HSPA13: variants seen among roughly 807,000 people sequenced by gnomAD.
The protein encoded by HSPA13 is heat shock protein family A (Hsp70) member 13.
HSPA13 carries 29 observed loss-of-function variants against 38.8 expected under a neutral mutation model. That is an observed-to-expected ratio of 0.75 (90% confidence interval 0.56 to 1.02). The LOEUF (loss-of-function observed/expected upper bound fraction) is 1.02. Ranked by LOEUF, HSPA13 falls within the 50% of genes least tolerant of loss-of-function variation. The pLI, the probability that HSPA13 is intolerant of heterozygous loss-of-function variation, is 0.00. For missense variants in HSPA13, 451 were observed against 560.9 expected (o/e 0.80, Z 1.98); for synonymous variants, 192 against 205.3 (o/e 0.94, Z 0.56).
chr21:14,373,611 C>T lies in HSPA13; in HGVS notation c.*6G>A, dbSNP rs1218053455. On this transcript the variant is annotated 3_prime_UTR_variant, in exon 5 of 5. Transcript: ENST00000285667. ...AGTTCACAAATAACCATTATTTCTG[C>T]AGAATTCAGTTGAAGTTGGTTTTTT... The T allele has an allele frequency of 1.3e-6, 2 of 1,597,502 alleles. No individual in the cohort carries two copies. The highest frequency in any genetic ancestry group is 2.2e-5 in the East Asian group (1 of 44,774).
Position 14,383,080 on chromosome 21 carries a change from C to A in HSPA13, c.25+15G>T, listed in dbSNP as rs200169118. ...TCTACGCCCGCAAGAGCAACAAGGA[C>A]CCCCGGGAACCCACCTAAGATCGTC... is the stretch of plus-strand genomic sequence containing the variant. On this transcript the variant is annotated intron_variant, in intron 1 of 4. Coordinates refer to ENST00000285667, the MANE Select transcript of HSPA13 (RefSeq NM_006948.5). 97 of 1,613,942 alleles carry A rather than the reference C, an allele frequency of 6.0e-5. No individual in the cohort carries two copies. Among genetic ancestry groups the A allele is most frequent in the Non-Finnish European group, 6.1e-5 (72 of 1,179,900 alleles).
intron 3 of HSPA13, among the ~76,000 whole-genome samples, chr21:14,376,186 C>T (rs763425602): frequency 4.0e-4 from 61 of 152,054 alleles, no homozygotes; most frequent in Non-Finnish European, 7.4e-4. Flanking sequence ...CCGAGGTGGG[C>T]GGATCACGAG....
Position 14,373,531 on chromosome 21 carries a change from G to C in HSPA13, c.*86C>G. ...CTCTAGGTAAATCTGTGATATTTTA[G>C]AGACTTTCTTTTGTGGAAAAGGTAA... On this transcript the variant is annotated 3_prime_UTR_variant, in exon 5 of 5. Transcript: ENST00000285667. The C allele has an allele frequency of 8.5e-7, 1 of 1,176,672 alleles. No individual in the cohort carries two copies. The highest frequency in any genetic ancestry group is 1.2e-6 in the Non-Finnish European group (1 of 847,344). 72.9% of individuals were successfully genotyped at this position (1,176,672 alleles called of 1,614,324 possible).
chr21:14,381,349 T>A lies in HSPA13; in HGVS notation c.220A>T (p.Thr74Ser), dbSNP rs762074437. The stretch of plus-strand genomic sequence containing the variant: ...TATCCCACATATACATCATTGTCAG[T>A]AAAAGACACCATGCTGGGTATGCTG... ...HISIPSMVSFTDNDVYVGYES... is the reference protein window; with the variant it reads ...HISIPSMVSFSDNDVYVGYES... Residue 74 changes from threonine to serine, a missense_variant, in exon 2 of 5, where the codon ACT becomes TCT. Transcript: ENST00000285667. 4.3e-6 allele frequency: 7 copies of A among 1,614,070 alleles called. No homozygotes were observed. The African/African-American group carries it at 9.3e-5, about 22-fold the overall frequency.
intron 2 of HSPA13, among the ~76,000 whole-genome samples, chr21:14,379,466 T>C (rs1042546367): frequency 1.3e-5 from 2 of 152,124 alleles, no homozygotes; most frequent in African/African-American, 4.8e-5. Context: ...AGAAGCTACA[T>C]GGACAATATT....
chr21:14,376,502 G>T (rs1186229418), intron 3 of HSPA13, among the ~76,000 whole-genome samples: 1 of 152,216 alleles, frequency 6.6e-6, no homozygotes, highest in Non-Finnish European at 1.5e-5. Context: ...GCAGGTAAAA[G>T]ATCAGGTTTC....
chr21:14,374,328 T>C, intron 4 of HSPA13, 44 bp from the exon 5 acceptor site: 2 of 1,390,514 alleles, frequency 1.4e-6, no homozygotes, highest in Non-Finnish European at 2.0e-6. Context: ...CATATATGTG[T>C]GTATGTATAC....
Position 14,373,538 on chromosome 21 carries a change from T to C in HSPA13, c.*79A>G, listed in dbSNP as rs1982877860. The C allele has an allele frequency of 8.0e-7, 1 of 1,250,470 alleles. No homozygotes were observed. The highest frequency in any genetic ancestry group is 1.1e-6 in the Non-Finnish European group (1 of 910,154). 77.5% of individuals were successfully genotyped at this position (1,250,470 alleles called of 1,614,324 possible). On this transcript the variant is annotated 3_prime_UTR_variant, in exon 5 of 5. Transcript: ENST00000285667. ...TAAATCTGTGATATTTTAGAGACTTTCTTTTGTGGAAAAGGTAATCTGATA... is the reference window on the plus strand; with the variant it reads ...TAAATCTGTGATATTTTAGAGACTTCCTTTTGTGGAAAAGGTAATCTGATA...
At chr21:14,383,008 G>A in intron 1 of HSPA13, 87 bp downstream of exon 1, 4 of 1,449,296 alleles carry the variant, frequency 2.8e-6, no homozygotes, top group Non-Finnish European at 3.9e-6. Context: ...GCTAGATCCA[G>A]GAGGTGAGTC....
In HSPA13 at chr21:14,373,464, G is replaced by A. The variant is rs1600802907; in HGVS notation, c.*153C>T. ...TCAATCTGGTCACGTCTAATCCTAA[G>A]ACAAAACACTATGTAAAATTTTCCT... On this transcript the variant is annotated 3_prime_UTR_variant, in exon 5 of 5. Coordinates refer to ENST00000285667, the MANE Select transcript of HSPA13 (RefSeq NM_006948.5). 6.2e-6 allele frequency: 4 copies of A among 649,572 alleles called. No individual in the cohort carries two copies. Among genetic ancestry groups the A allele is most frequent in the Admixed American group, 5.9e-5 (2 of 34,086 alleles). The allele number at this position is 649,572 out of a possible 1,614,324, so 40.2% of individuals were successfully genotyped here. A position where few individuals can be genotyped will look rare whatever the true frequency, so the allele number is the denominator to read the frequency against.
chr21:14,378,142 G>T, intron 3 of HSPA13, 57 bp downstream of exon 3: 1 of 1,354,520 alleles, frequency 7.4e-7, no homozygotes, highest in East Asian at 2.3e-5. Context: ...TACTACAGAA[G>T]GTTTTCAACC....
At position 14,381,551 on chromosome 21, in the gene HSPA13, A is replaced by C. The variant is rs992197596; in HGVS notation, c.26-8T>G. On this transcript the variant is annotated splice_region_variant and splice_polypyrimidine_tract_variant and intron_variant, in intron 1 of 4. Transcript: ENST00000285667. Reference sequence around the variant, plus strand: ...GAGTCAAAACAGCCGATCCTGAAATAAAGGAAAATTAAAAGATGTATTTTA... The same window carrying C: ...GAGTCAAAACAGCCGATCCTGAAATCAAGGAAAATTAAAAGATGTATTTTA... 2.5e-6 allele frequency: 4 copies of C among 1,579,532 alleles called. No homozygotes were observed. The highest frequency in any genetic ancestry group is 3.5e-6 in the Non-Finnish European group (4 of 1,158,194).
intron 3 of HSPA13, 54 bp from the exon 4 acceptor site, chr21:14,375,873 C>G (rs1984008174): frequency 1.2e-5 from 17 of 1,393,530 alleles, no homozygotes; most frequent in Non-Finnish European, 1.6e-5. Flanking sequence ...ATCAAGTAAT[C>G]TCTTCCCACT....
Position 14,381,453 on chromosome 21 carries a change from C to A in HSPA13, c.116G>T (p.Gly39Val). 6.2e-7 allele frequency: 1 copy of A among 1,614,088 alleles called. No homozygotes were observed. The change falls in exon 2 of 5, where the codon GGC becomes GTC. Residue 39 changes from glycine (G) to valine (V), a missense_variant. By Grantham distance (109) the Gly-to-Val change is moderately radical. Transcript: ENST00000285667. ...CACCCCAACAGAACAATAGGTGGTG[C>A]CAAGATCAATACCAATCACTTTAGG... ...PTPKVIGIDL[G>V]TTYCSVGVFF... is the part of the protein sequence containing the mutation.
At position 14,371,416 on chromosome 21, in the gene HSPA13, GAA is replaced by G. The variant is rs899667500; in HGVS notation, c.*2199_*2200del. On this transcript the variant is annotated 3_prime_UTR_variant, in exon 5 of 5. Transcript: ENST00000285667. ...ACTAAAGTTTATTAATTTTTTTTAT[GAA>G]AAGACTTCAGATTGTTATTCATAAA... 2.0e-5 allele frequency: 3 copies of G among 152,116 alleles called. No homozygotes were observed. Among genetic ancestry groups the G allele is most frequent in the Non-Finnish European group, 4.4e-5 (3 of 67,968 alleles). 9.4% of individuals were successfully genotyped at this position (152,116 alleles called of 1,614,324 possible). A position where few individuals can be genotyped will look rare whatever the true frequency, so the allele number is the denominator to read the frequency against.
rs1456713997 is a variant in HSPA13 at position 14,374,056 on chromosome 21, G to T, written c.977C>A (p.Thr326Asn). ...QDRKEPHSSD[T>N]ELPKDKLSSA... is the part of the protein sequence containing the mutation. Reference sequence around the variant, plus strand: ...GGAAAGTTTGTCTTTTGGCAGTTCAGTGTCACTACTGTGAGGTTCCTTCCT... The same window carrying T: ...GGAAAGTTTGTCTTTTGGCAGTTCATTGTCACTACTGTGAGGTTCCTTCCT... Residue 326 changes from threonine to asparagine, a missense_variant, in exon 5 of 5, where the codon ACT (threonine) becomes AAT (asparagine). Coordinates refer to ENST00000285667, the MANE Select transcript of HSPA13 (RefSeq NM_006948.5). 5.0e-6 allele frequency: 8 copies of T among 1,614,072 alleles called. No individual in the cohort carries two copies. Among genetic ancestry groups the T allele is most frequent in the Non-Finnish European group, 6.8e-6 (8 of 1,180,040 alleles).
intron 4 of HSPA13, among the ~76,000 whole-genome samples, 161 bp downstream of exon 4, chr21:14,375,491 A>ATTT (rs34202425): frequency 0.13 from 16,837 of 128,136 alleles, 1,274 homozygotes; most frequent in Non-Finnish European, 0.18. Flanking sequence ...TTTTTCTGTA[A>ATTT]TTTTTTTTTT....
At chr21:14,382,624 G>GGT (rs934740680) in intron 1 of HSPA13, among the ~76,000 whole-genome samples, 2 of 152,022 alleles carry the variant, frequency 1.3e-5, no homozygotes, top group South Asian at 2.1e-4. Flanking sequence ...ACGCGGGGTG[G>GGT]GTGTGTGTGT....
chr21:14,378,747 G>A (rs1984094152), intron 2 of HSPA13, among the ~76,000 whole-genome samples: 1 of 151,788 alleles, frequency 6.6e-6, no homozygotes, highest in African/African-American at 2.4e-5. Context: ...AGCTTCCCAA[G>A]TGGCTGGGAG....
Sources: allele counts gnomAD v4.1 joint callset (sites outside exome capture counted in the v4.1 genomes callset), GRCh38; gene constraint gnomAD v4.1.1; transcripts MANE v1.5; gene names NCBI Gene and HGNC (gene_info 2026-07-23, HGNC 2026-07-21).